Variants in ELFN2 observed in about 807,000 individuals in gnomAD.
ELFN2 encodes protein phosphatase 1 regulatory subunit 29.
A neutral mutation model predicts 45.5 loss-of-function variants in ELFN2; 17 were observed. The observed-to-expected ratio is 0.37, with a 90% CI of 0.26 to 0.56. ELFN2 has a LOEUF of 0.56. Among genes scored for constraint, ELFN2 ranks in the 20% least tolerant of loss-of-function variants. ELFN2 has a pLI of 0.77. For synonymous variants in ELFN2, 550 were observed against 551.5 expected (o/e 1.00, Z 0.04); for missense variants, 922 against 1,183.2 (o/e 0.78, Z 3.24).
rs914797277 is a variant in ELFN2, at chr22:37,417,227, G to A, written c.-463+542C>T. 1.3e-5 allele frequency among the ~76,000 whole-genome samples: 2 copies of A among 152,126 alleles called. No individual in the cohort carries two copies. Among genetic ancestry groups the A allele is most frequent in the Non-Finnish European group, 2.9e-5 (2 of 68,002 alleles). ...TGTTTGCGGCCTCCTAGTGCCAGACGGCTCTCCCTGTGCCTCCAAAATTCA... is the reference window on the plus strand; with the variant it reads ...TGTTTGCGGCCTCCTAGTGCCAGACAGCTCTCCCTGTGCCTCCAAAATTCA... On this transcript the variant is annotated intron_variant, in intron 2 of 2. Coordinates refer to ENST00000402918, the MANE Select transcript of ELFN2 (RefSeq NM_052906.5). The surrounding 1 kb of genome is among the most constrained non-coding windows in gnomAD (Gnocchi z 4.5).
At chr22:37,397,476 G>A (rs550338999) in intron 2 of ELFN2, among the ~76,000 whole-genome samples, 98 of 152,282 alleles carry the variant, frequency 6.4e-4, no homozygotes, top group Admixed American at 4.9e-3. Context: ...TCAGGAAGCC[G>A]TCCAGTACGA....
At chr22:37,422,671 G>A (rs926327722) in intron 1 of ELFN2, among the ~76,000 whole-genome samples, 2 of 152,106 alleles carry the variant, frequency 1.3e-5, no homozygotes, top group African/African-American at 4.8e-5. Context: ...TCGGCTCACT[G>A]CAACCTGGGC....
chr22:37,409,391 A>G (rs945211262), intron 2 of ELFN2, among the ~76,000 whole-genome samples: 1 of 152,010 alleles, frequency 6.6e-6, no homozygotes, highest in African/African-American at 2.4e-5. Flanking sequence ...TCCCGGCACC[A>G]CCTTCCAAGT....
chr22:37,379,279 G>C (rs1931681679), intron 2 of ELFN2, among the ~76,000 whole-genome samples: 1 of 152,146 alleles, frequency 6.6e-6, no homozygotes, highest in African/African-American at 2.4e-5. Flanking sequence ...ATTGACACCT[G>C]GTCTGGCTGA....
chr22:37,398,583 G>T (rs893808339), intron 2 of ELFN2, among the ~76,000 whole-genome samples: 1 of 150,636 alleles, frequency 6.6e-6, no homozygotes, highest in Admixed American at 6.6e-5. Context: ...GAAGCCTCCC[G>T]CAGCGCACTC....
At chr22:37,383,853 G>C (rs921291906) in intron 2 of ELFN2, among the ~76,000 whole-genome samples, 1 of 152,184 alleles carries the variant, frequency 6.6e-6, no homozygotes, top group Non-Finnish European at 1.5e-5. Flanking sequence ...TGCTTTGGAC[G>C]CGCATCTCCA....
Position 37,374,777 on chromosome 22 carries a change from C to T in ELFN2, c.758G>A (p.Arg253Gln), listed in dbSNP as rs369242294. The T allele has an allele frequency of 1.2e-5, 19 of 1,607,560 alleles. No individual in the cohort carries two copies. Among genetic ancestry groups the T allele is most frequent in the East Asian group, 6.7e-5 (3 of 44,848 alleles). Reference protein sequence around the residue: ...AKCRNGSLPARPVSHPTPYST... With the variant: ...AKCRNGSLPAQPVSHPTPYST... ...GTAGGGCGTGGGGTGGCTCACGGGCCGGGCGGGCAGCGAGCCATTCCGACA... is the reference window on the plus strand; with the variant it reads ...GTAGGGCGTGGGGTGGCTCACGGGCTGGGCGGGCAGCGAGCCATTCCGACA... Residue 253 changes from arginine (R) to glutamine (Q), a missense_variant, in exon 3 of 3, where the codon CGG becomes CAG. Transcript: ENST00000402918.
chr22:37,349,131 C>A (rs1026067216), intron 1 of ELFN2, among the ~76,000 whole-genome samples: 2 of 151,250 alleles, frequency 1.3e-5, no homozygotes, highest in Non-Finnish European at 1.5e-5. Context: ...CCGCTCCCCA[C>A]GGCAATGTGA....
At chr22:37,425,870 TACACACACAC>T (rs133723) in intron 1 of ELFN2, among the ~76,000 whole-genome samples, 3 of 145,682 alleles carry the variant, frequency 2.1e-5, no homozygotes, top group Non-Finnish European at 4.5e-5. Context: ...CACATACACA[TACACACACAC>T]ACACACACAC....
At chr22:37,424,224 A>G (rs1439779645) in intron 1 of ELFN2, among the ~76,000 whole-genome samples, 1 of 152,100 alleles carries the variant, frequency 6.6e-6, no homozygotes, top group Non-Finnish European at 1.5e-5. Context: ...ACACTCACAC[A>G]TCACACCCGC....
At chr22:37,409,588 C>G (rs1453528348) in intron 2 of ELFN2, among the ~76,000 whole-genome samples, 1 of 152,248 alleles carries the variant, frequency 6.6e-6, no homozygotes, top group Admixed American at 6.5e-5. Flanking sequence ...CAGATCCCCT[C>G]AAACCAGCCC....
intron 2 of ELFN2, among the ~76,000 whole-genome samples, chr22:37,382,696 C>T (rs559677871): frequency 2.6e-5 from 4 of 152,094 alleles, no homozygotes; most frequent in Admixed American, 2.6e-4. Context: ...ACCATAGGCG[C>T]ATGCCACGAC....
At chr22:37,379,313 C>T (rs1292374211) in intron 2 of ELFN2, among the ~76,000 whole-genome samples, 2 of 152,140 alleles carry the variant, frequency 1.3e-5, no homozygotes, top group South Asian at 2.1e-4. Flanking sequence ...AGCCTGTGAC[C>T]AGCCCAGAGG....
chr22:37,387,837 C>A (rs1931990615), intron 2 of ELFN2, among the ~76,000 whole-genome samples: 1 of 151,984 alleles, frequency 6.6e-6, no homozygotes, highest in Non-Finnish European at 1.5e-5. Context: ...CTAATGTCAG[C>A]TCTGGGCTGA....
At chr22:37,392,518 C>G (rs2145660405) in intron 2 of ELFN2, among the ~76,000 whole-genome samples, 1 of 152,240 alleles carries the variant, frequency 6.6e-6, no homozygotes, top group South Asian at 2.1e-4. Flanking sequence ...CAGGGTTTCA[C>G]CATGTTAGCC....
Position 37,395,752 on chromosome 22 carries a change from G to A in ELFN2, c.-462-19756C>T, listed in dbSNP as rs75320166. Among the ~76,000 whole-genome samples the A allele has an allele frequency of 9.1e-3, 1,392 of 152,320 alleles. 21 individuals carry two copies. The highest frequency in any genetic ancestry group is 0.032 in the African/African-American group (1,314 of 41,564). ...GGGGCCCACCACACACCAGGTCCTG[G>A]GCTTGGCACCGTGGGCTGCAAAGAC... On this transcript the variant is annotated intron_variant, in intron 2 of 2. Coordinates refer to ENST00000402918, the MANE Select transcript of ELFN2 (RefSeq NM_052906.5).
chr22:37,380,964 G>A (rs939163077), intron 2 of ELFN2, among the ~76,000 whole-genome samples: 8 of 152,132 alleles, frequency 5.3e-5, no homozygotes, highest in African/African-American at 9.7e-5. Context: ...ACTACCGTTC[G>A]GTAAGTTAAC....
intron 2 of ELFN2, among the ~76,000 whole-genome samples, chr22:37,414,464 T>C (rs1272385825): frequency 2.0e-5 from 3 of 152,158 alleles, no homozygotes; most frequent in East Asian, 1.9e-4. Context: ...GCCTGGCACA[T>C]AGCAGATGCT....
At chr22:37,394,098 A>G (rs1932150392) in intron 2 of ELFN2, among the ~76,000 whole-genome samples, 1 of 152,040 alleles carries the variant, frequency 6.6e-6, no homozygotes, top group African/African-American at 2.4e-5. Context: ...TCCTGGCCCC[A>G]CTGGCTGTGT....
Sources: allele counts gnomAD v4.1 joint callset (sites outside exome capture counted in the v4.1 genomes callset), GRCh38; gene constraint gnomAD v4.1.1; non-coding constraint Gnocchi (gnomAD v3.1); transcripts MANE v1.5; gene names NCBI Gene and HGNC (gene_info 2026-07-23, HGNC 2026-07-21).